The following CCM2 variants were observed in gnomAD, a reference collection of about 807,000 sequenced individuals.
CCM2 encodes the protein cerebral cavernous malformations 2 protein.
A neutral mutation model predicts 44.9 loss-of-function variants in CCM2; 25 were observed. That is an observed-to-expected ratio of 0.56 (90% CI 0.41 to 0.78). The LOEUF is 0.78. Ranked by LOEUF, CCM2 falls within the 30% of genes least tolerant of loss-of-function variation. The pLI, the probability that CCM2 is intolerant of heterozygous loss-of-function variation, is 0.00. For synonymous variants in CCM2, 219 were observed against 241.1 expected (o/e 0.91, Z 0.85); for missense variants, 481 against 580.6 (o/e 0.83, Z 1.76).
intron 2 of CCM2, among the ~76,000 whole-genome samples, chr7:45,046,338 CTG>C (rs1260673548): frequency 6.6e-6 from 1 of 152,156 alleles, no homozygotes; most frequent in Non-Finnish European, 1.5e-5. Context: ...GTCAGCCTGT[CTG>C]ATTTCAAGAT....
At chr7:45,028,327 ACAGGCGGTAGTGGG>A (rs1294172735) in intron 1 of CCM2, among the ~76,000 whole-genome samples, 1 of 152,134 alleles carries the variant, frequency 6.6e-6, no homozygotes, top group Non-Finnish European at 1.5e-5. Context: ...ACTGAAGCAA[ACAGGCGGTAGTGGG>A]CAGAGCTCTG....
intron 9 of CCM2, 38 bp from the exon 10 acceptor site, chr7:45,075,739 G>C (rs144401535): frequency 6.2e-7 from 1 of 1,612,972 alleles, no homozygotes. Flanking sequence ...GGGCTGAGCC[G>C]AACTGGAGGT....
chr7:45,010,605 A>AT (rs911555848), intron 1 of CCM2, among the ~76,000 whole-genome samples: 4 of 151,466 alleles, frequency 2.6e-5, no homozygotes, highest in Admixed American at 1.3e-4. Context: ...ATATATATAT[A>AT]TATTTTTTTG....
intron 1 of CCM2, among the ~76,000 whole-genome samples, chr7:45,011,765 T>G (rs1359500154): frequency 6.6e-6 from 1 of 152,220 alleles, no homozygotes; most frequent in Non-Finnish European, 1.5e-5. Context: ...TTGGCCAGGA[T>G]GATCTCAAAT....
intron 6 of CCM2, chr7:45,072,301 G>C (rs543108272): frequency 5.8e-6 from 2 of 343,958 alleles, no homozygotes; most frequent in East Asian, 7.6e-5. Context: ...GGTTTCTGCT[G>C]TGTGACCTGG....
chr7:45,073,763 T>C (rs564180995), intron 8 of CCM2, 192 bp downstream of exon 8: 3 of 593,380 alleles, frequency 5.1e-6, no homozygotes, highest in African/African-American at 1.9e-5. Context: ...CATCAGTCAG[T>C]GGGGCTGAGT....
At chr7:45,039,122 C>T (rs1019826388) in intron 2 of CCM2, among the ~76,000 whole-genome samples, 4 of 152,068 alleles carry the variant, frequency 2.6e-5, no homozygotes, top group South Asian at 2.1e-4. Context: ...TGGGGCAGTT[C>T]GAATGTCCAT....
intron 1 of CCM2, chr7:45,027,416 G>T: frequency 1.9e-6 from 1 of 518,182 alleles, no homozygotes; most frequent in East Asian, 3.6e-5. Context: ...GTTGACTGCA[G>T]AATTTCTGCT....
chr7:45,070,427 C>T (rs1394594186), intron 6 of CCM2: 1 of 456,398 alleles, frequency 2.2e-6, no homozygotes, highest in Admixed American at 2.3e-5. Flanking sequence ...TCAGGCTGCC[C>T]TGGGAGGCCA....
chr7:45,043,140 T>G (rs1053908913), intron 2 of CCM2, among the ~76,000 whole-genome samples: 1 of 152,048 alleles, frequency 6.6e-6, no homozygotes, highest in East Asian at 1.9e-4. Flanking sequence ...GCCCAGCTAA[T>G]TTTTTATTTT....
chr7:45,050,955 G>A (rs1797973522), intron 2 of CCM2, among the ~76,000 whole-genome samples: 1 of 152,096 alleles, frequency 6.6e-6, no homozygotes, highest in South Asian at 2.1e-4. Context: ...CATAGACTCG[G>A]GTTAATTTCA....
chr7:45,047,171 C>T (rs1797797177), intron 2 of CCM2, among the ~76,000 whole-genome samples: 1 of 152,188 alleles, frequency 6.6e-6, no homozygotes, highest in African/African-American at 2.4e-5. Flanking sequence ...TTCTTCAAAT[C>T]TCCACGTGCA....
At chr7:45,017,538 G>GT (rs2128717146) in intron 1 of CCM2, among the ~76,000 whole-genome samples, 1 of 152,344 alleles carries the variant, frequency 6.6e-6, no homozygotes, top group East Asian at 1.9e-4. Flanking sequence ...CCCTGTGGCA[G>GT]TTAGAACAGA....
intron 1 of CCM2, among the ~76,000 whole-genome samples, chr7:45,016,248 T>C (rs1796258869): frequency 6.6e-6 from 1 of 152,226 alleles, no homozygotes; most frequent in African/African-American, 2.4e-5. Context: ...TATATACATA[T>C]TCAACAGGTT....
chr7:45,012,224 C>G (rs1436503045), intron 1 of CCM2, among the ~76,000 whole-genome samples: 3 of 151,162 alleles, frequency 2.0e-5, no homozygotes, highest in Non-Finnish European at 1.5e-5. Flanking sequence ...ACCTCCACCT[C>G]CTGGGTTCAA....
At chr7:45,012,524 T>C (rs1796106328) in intron 1 of CCM2, among the ~76,000 whole-genome samples, 1 of 152,154 alleles carries the variant, frequency 6.6e-6, no homozygotes, top group South Asian at 2.1e-4. Flanking sequence ...TTGTCTGATA[T>C]TAATATAGCT....
At chr7:45,008,038 CA>C (rs1337983428) in intron 1 of CCM2, among the ~76,000 whole-genome samples, 1 of 108,116 alleles carries the variant, frequency 9.2e-6, no homozygotes, top group Non-Finnish European at 1.7e-5. Flanking sequence ...TGGTGGGGTA[CA>C]TTTTTTTTTT....
intron 1 of CCM2, among the ~76,000 whole-genome samples, chr7:45,023,721 ATCTT>A (rs1796570596): frequency 1.5e-5 from 2 of 130,290 alleles, no homozygotes; most frequent in South Asian, 4.8e-4. Context: ...TTACTGGGAA[ATCTT>A]TTTTTTTTTT....
chr7:45,028,263 C>T (rs1796780784), intron 1 of CCM2, among the ~76,000 whole-genome samples: 1 of 152,186 alleles, frequency 6.6e-6, no homozygotes, highest in Admixed American at 6.5e-5. Flanking sequence ...AGCATGGATC[C>T]TGGCCACCGC....
Sources: gnomAD v4.1 joint callset for allele counts (sites outside exome capture counted in the v4.1 genomes callset) on GRCh38, gnomAD v4.1.1 for gene constraint, MANE v1.5 for transcripts, NCBI Gene and HGNC (gene_info 2026-07-23, HGNC 2026-07-21) for gene names.